Variants in POLA1 observed in about 807,000 individuals in gnomAD.
POLA1 encodes the protein DNA polymerase alpha 1, catalytic subunit.
Under a neutral mutation model 124.0 loss-of-function variants are expected in POLA1, and 15 were observed. The observed-to-expected ratio is 0.12, with a 90% CI of 0.08 to 0.19. The LOEUF is 0.19. Among genes scored for constraint, POLA1 ranks in the 10% least tolerant of loss-of-function variants. The probability of loss-of-function intolerance (pLI) is 1.00; values close to 1 mark genes in which losing one functional copy is unlikely to be tolerated. For synonymous variants in POLA1, 408 were observed against 389.4 expected, an observed-to-expected ratio of 1.05 and a Z score of -0.56; for missense variants, 886 against 1,103.4, an observed-to-expected ratio of 0.80 and a Z score of 2.79.
chrX:24,983,222 C>T (rs1215712342), intron 36 of POLA1, among the ~76,000 whole-genome samples: 1 of 111,939 alleles, frequency 8.9e-6, no homozygotes, highest in Non-Finnish European at 1.9e-5. Flanking sequence ...GTATCTGGCA[C>T]GTAGTAGGCA....
chrX:24,996,971 G>A lies in POLA1; in HGVS notation c.*1021G>A, dbSNP rs1182507898. On this transcript the variant is annotated 3_prime_UTR_variant, in exon 37 of 37. Transcript: ENST00000379068. The stretch of plus-strand genomic sequence containing the variant: ...GTTGTGCCTTCTTCTTAAGAATAAA[G>A]TTTTCTAAAGGGAAAGCAGTTGTGG... 3 of 111,480 alleles carry A rather than the reference G, an allele frequency of 2.7e-5. No homozygotes were observed. The highest frequency in any genetic ancestry group is 5.6e-5 in the Non-Finnish European group (3 of 53,210). 9.2% of individuals were successfully genotyped at this position (111,480 alleles called of 1,213,427 possible).
chrX:24,946,324 AG>A (rs1250006422), intron 36 of POLA1, among the ~76,000 whole-genome samples: 2 of 111,921 alleles, frequency 1.8e-5, no homozygotes, highest in African/African-American at 6.5e-5. Context: ...TAGAGGGTTT[AG>A]GAGGATATTC....
At chrX:24,928,466 A>G (rs2147210622) in intron 35 of POLA1, among the ~76,000 whole-genome samples, 1 of 112,571 alleles carries the variant, frequency 8.9e-6, no homozygotes, top group East Asian at 2.8e-4. Context: ...TGGCAAAAAT[A>G]TATCTTCCTA....
In POLA1 at chrX:24,828,336, G is replaced by C. The variant is rs1199166167; in HGVS notation, c.3736+1735G>C. On this transcript the variant is annotated intron_variant, in intron 32 of 36. Transcript: ENST00000379068. The stretch of plus-strand genomic sequence containing the variant: ...TCCATTTTACAGAGGAAGAAGCCAA[G>C]GTTTAGAGAGGTAACTATCTTGGTC... Among the ~76,000 whole-genome samples, 4 of 112,371 alleles carry C rather than the reference G, an allele frequency of 3.6e-5. No homozygotes were observed. In the Admixed American group the frequency reaches 3.8e-4, roughly 11 times the overall value.
chrX:24,903,214 G>A (rs970078031), intron 35 of POLA1, among the ~76,000 whole-genome samples: 1 of 112,897 alleles, frequency 8.9e-6, no homozygotes, highest in Admixed American at 9.4e-5. Flanking sequence ...AAACTGTTCC[G>A]TGATATATCA....
intron 36 of POLA1, among the ~76,000 whole-genome samples, chrX:24,981,856 A>G (rs2048423864): frequency 8.9e-6 from 1 of 112,385 alleles, no homozygotes; most frequent in Non-Finnish European, 1.9e-5. Context: ...AGACATAAAT[A>G]TATATTTTGC....
At chrX:24,694,400 T>A (rs755778042) in intron 1 of POLA1, among the ~76,000 whole-genome samples, 28 of 112,963 alleles carry the variant, frequency 2.5e-4, no homozygotes, top group African/African-American at 9.0e-4. Context: ...TCCCTTTTTG[T>A]AGGAACTTCC....
intron 26 of POLA1, among the ~76,000 whole-genome samples, chrX:24,804,927 C>A (rs1354888624): frequency 9.0e-6 from 1 of 111,597 alleles, no homozygotes; most frequent in Non-Finnish European, 1.9e-5. Flanking sequence ...CTGTTGTTAA[C>A]CTTGGCACAC....
In POLA1 at chrX:24,919,820, G is replaced by GT. The variant is rs1324232190; in HGVS notation, c.4165-10622dup. On this transcript the variant is annotated intron_variant, in intron 35 of 36. Coordinates refer to ENST00000379068, the MANE Select transcript of POLA1 (RefSeq NM_001330360.2). ...AGTTTTTTTTTTTGTTTTTTTTTTT[G>GT]TTTTTTTTTTTGTTTTGTTTTTCTG... is the stretch of plus-strand genomic sequence containing the variant. Among the ~76,000 whole-genome samples the GT allele has an allele frequency of 4.3e-3, 127 of 29,564 alleles. 2 individuals carry two copies. The highest frequency in any genetic ancestry group is 6.4e-3 in the Non-Finnish European group (93 of 14,635). The allele number at this position is 29,564 out of a possible 115,157, so 25.7% of individuals were successfully genotyped here.
At chrX:24,831,872 T>C (rs1321396230) in intron 32 of POLA1, among the ~76,000 whole-genome samples, 2 of 112,379 alleles carry the variant, frequency 1.8e-5, no homozygotes, top group Non-Finnish European at 3.8e-5. Context: ...ATCCAGTGGC[T>C]CATGCTCCCA....
chrX:24,738,826 CTG>C (rs1931460201), intron 19 of POLA1, among the ~76,000 whole-genome samples: 1 of 112,116 alleles, frequency 8.9e-6, no homozygotes, highest in South Asian at 3.7e-4. Flanking sequence ...AGTTAGGAAT[CTG>C]TACCTTTTTC....
At chrX:24,915,485 C>T (rs1040443187) in intron 35 of POLA1, among the ~76,000 whole-genome samples, 7 of 111,720 alleles carry the variant, frequency 6.3e-5, no homozygotes, top group Non-Finnish European at 1.3e-4. Flanking sequence ...CCAAAGATAT[C>T]CCTGGAGTAT....
chrX:24,907,198 A>T (rs2147171766), intron 35 of POLA1, among the ~76,000 whole-genome samples: 1 of 110,964 alleles, frequency 9.0e-6, no homozygotes, highest in East Asian at 2.8e-4. Flanking sequence ...CTTAAAGAGA[A>T]TAAAAGAAAT....
At chrX:24,731,957 GTATT>G (rs1223325761) in intron 15 of POLA1, among the ~76,000 whole-genome samples, 1 of 111,693 alleles carries the variant, frequency 9.0e-6, no homozygotes, top group Admixed American at 9.4e-5. Flanking sequence ...AAAGTTTAAA[GTATT>G]TATTATTTTT....
At chrX:24,716,653 A>G (rs1929862580) in intron 7 of POLA1, among the ~76,000 whole-genome samples, 199 bp downstream of exon 7, 1 of 112,259 alleles carries the variant, frequency 8.9e-6, no homozygotes, top group South Asian at 3.7e-4. Context: ...TGCAGTAACT[A>G]GTGTGTGTTT....
intron 36 of POLA1, among the ~76,000 whole-genome samples, chrX:24,969,967 A>C (rs2048280946): frequency 8.9e-6 from 1 of 112,323 alleles, no homozygotes; most frequent in Non-Finnish European, 1.9e-5. Flanking sequence ...CGTGGCTTGC[A>C]ACTCCATCCA....
At position 24,905,015 on chromosome X, in the gene POLA1, C is replaced by G. The variant is rs1309435132; in HGVS notation, c.4164+16893C>G. Among the ~76,000 whole-genome samples, 3 of 93,155 alleles carry G rather than the reference C, an allele frequency of 3.2e-5. No individual in the cohort carries two copies. The Admixed American group carries it at 3.4e-4, about 10-fold the overall frequency. The allele number at this position is 93,155 out of a possible 115,157, so 80.9% of individuals were successfully genotyped here. A position where few individuals can be genotyped will look rare whatever the true frequency, so the allele number is the denominator to read the frequency against. On this transcript the variant is annotated intron_variant, in intron 35 of 36. Coordinates refer to ENST00000379068, the MANE Select transcript of POLA1 (RefSeq NM_001330360.2). Reference sequence around the variant, plus strand: ...CTCCAGCCTGGGCAACAGAGCAAGACTCTGTCTCAAAAAAAAAAAAAAAAA... The same window carrying G: ...CTCCAGCCTGGGCAACAGAGCAAGAGTCTGTCTCAAAAAAAAAAAAAAAAA...
intron 35 of POLA1, among the ~76,000 whole-genome samples, chrX:24,905,552 A>ACC (rs757447706): frequency 1.0e-3 from 65 of 62,018 alleles, no homozygotes; most frequent in African/African-American, 3.9e-3. Flanking sequence ...GTAATGGTGA[A>ACC]CCCCCCCCCC....
chrX:24,778,372 A>G (rs1186460610), intron 26 of POLA1, among the ~76,000 whole-genome samples: 5 of 111,065 alleles, frequency 4.5e-5, no homozygotes, highest in Non-Finnish European at 9.4e-5. Context: ...CTGGGACTAC[A>G]GGCGCCCGCC....
Sources: gnomAD v4.1 joint callset for allele counts (sites outside exome capture counted in the v4.1 genomes callset) on GRCh38, gnomAD v4.1.1 for gene constraint, MANE v1.5 for transcripts, NCBI Gene and HGNC (gene_info 2026-07-23, HGNC 2026-07-21) for gene names.